The following PARP8 variants were observed in gnomAD, a reference collection of about 807,000 sequenced individuals.
The protein encoded by PARP8 is protein mono-ADP-ribosyltransferase PARP8.
PARP8 carries 51 observed loss-of-function variants against 124.1 expected under a neutral mutation model. That is an observed-to-expected ratio of 0.41 (90% CI 0.33 to 0.52). PARP8 has a LOEUF of 0.52. Among genes scored for constraint, PARP8 ranks in the 20% least tolerant of loss-of-function variants. The pLI, the probability that PARP8 is intolerant of heterozygous loss-of-function variation, is 0.21. For missense variants in PARP8, 860 were observed against 1,018.9 expected (o/e 0.84, Z 2.12); for synonymous variants, 391 against 361.5 (o/e 1.08, Z -0.93).
At position 50,794,294 on chromosome 5, in the gene PARP8, A is replaced by G; in HGVS notation, c.825A>G (p.Lys275=). 1 of 1,613,642 alleles carries G rather than the reference A, an allele frequency of 6.2e-7. No individual in the cohort carries two copies. Among genetic ancestry groups the G allele is most frequent in the Non-Finnish European group, 8.5e-7 (1 of 1,179,706 alleles). ...ACAATAAAAAGTTGTCAGAGAAGAA[A>G]GTGAAGTCTCCCCTGCATTTATTTT... is the stretch of plus-strand genomic sequence containing the variant. ...CLHNKKLSEK[K]VKSPLHLFST... The change falls in exon 11 of 26, where the codon AAA becomes AAG. Residue 275 remains lysine (K), a synonymous_variant. Transcript: ENST00000281631.
intron 2 of PARP8, among the ~76,000 whole-genome samples, chr5:50,725,459 G>T (rs1756333780): frequency 6.6e-6 from 1 of 151,984 alleles, no homozygotes; most frequent in Admixed American, 6.6e-5. Flanking sequence ...TTATACACAG[G>T]TTCAAATAAA....
rs1195017025 is a variant in PARP8, at chr5:50,781,481, G to C, written c.670+2831G>C. Among the ~76,000 whole-genome samples, 3 of 152,276 alleles carry C rather than the reference G, an allele frequency of 2.0e-5. No homozygotes were observed. The East Asian group carries it at 5.8e-4, about 29-fold the overall frequency. ...TCCCATTAAGAAGAGGAAAGAAAGA[G>C]AATTCCACACTGACCCTACTTTAGA... is the stretch of plus-strand genomic sequence containing the variant. On this transcript the variant is annotated intron_variant, in intron 9 of 25. Transcript: ENST00000281631.
intron 3 of PARP8, chr5:50,757,134 C>T (rs1485189662): frequency 2.2e-6 from 1 of 455,232 alleles, no homozygotes; most frequent in Admixed American, 2.4e-5. Flanking sequence ...GTGAATACTG[C>T]CACAATGCAC....
chr5:50,742,530 G>A (rs1758155017), intron 2 of PARP8, among the ~76,000 whole-genome samples: 1 of 152,138 alleles, frequency 6.6e-6, no homozygotes, highest in South Asian at 2.1e-4. Flanking sequence ...CCTTGAGGAA[G>A]TAACCATATG....
intron 3 of PARP8, among the ~76,000 whole-genome samples, chr5:50,751,080 T>C (rs1158780942): frequency 8.1e-6 from 1 of 123,296 alleles, no homozygotes. Context: ...CATAGAGATG[T>C]CAGCCATGAG....
chr5:50,689,446 C>T (rs1017512182), intron 2 of PARP8, among the ~76,000 whole-genome samples: 4 of 152,174 alleles, frequency 2.6e-5, no homozygotes, highest in African/African-American at 9.7e-5. Context: ...ATTGAAGAAC[C>T]ACCATCTTGT....
intron 7 of PARP8, among the ~76,000 whole-genome samples, chr5:50,772,041 C>T (rs1761679522): frequency 6.6e-6 from 1 of 152,202 alleles, no homozygotes; most frequent in Non-Finnish European, 1.5e-5. Context: ...TGGTAATCTA[C>T]TCTGTACTAC....
intron 2 of PARP8, among the ~76,000 whole-genome samples, chr5:50,727,483 G>A (rs557653870): frequency 1.3e-5 from 2 of 152,238 alleles, no homozygotes; most frequent in Admixed American, 6.5e-5. Context: ...GCCAGAGTAC[G>A]TGTGGACTAT....
At chr5:50,838,463 T>C (rs1341904424) in intron 25 of PARP8, among the ~76,000 whole-genome samples, 1 of 152,120 alleles carries the variant, frequency 6.6e-6, no homozygotes, top group Non-Finnish European at 1.5e-5. Flanking sequence ...ACTAGTGATA[T>C]ACCTCTTTAA....
At chr5:50,719,479 A>C (rs1432686164) in intron 2 of PARP8, among the ~76,000 whole-genome samples, 1 of 151,914 alleles carries the variant, frequency 6.6e-6, no homozygotes, top group Admixed American at 6.6e-5. Flanking sequence ...TAAGTCTTTA[A>C]TTCATTTCGA....
At position 50,808,384 on chromosome 5, in the gene PARP8, G is replaced by A. The variant is rs10036060; in HGVS notation, c.1576-7048G>A. Among the ~76,000 whole-genome samples the A allele has an allele frequency of 7.2e-3, 1,088 of 152,062 alleles. 8 individuals carry two copies. Among genetic ancestry groups the A allele is most frequent in the East Asian group, 0.039 (201 of 5,154 alleles). On this transcript the variant is annotated intron_variant, in intron 14 of 25. Transcript: ENST00000281631. ...AAGAGGGAGTAGAGGAAAAAGTTAC[G>A]TATTAATCACAGGGTAGGCACAAGG...
chr5:50,674,657 C>T (rs546232216), intron 2 of PARP8, among the ~76,000 whole-genome samples: 1 of 152,308 alleles, frequency 6.6e-6, no homozygotes, highest in South Asian at 2.1e-4. Flanking sequence ...ACATGTTTCT[C>T]ATGCTTCCTA....
At position 50,778,067 on chromosome 5, in the gene PARP8, AG is replaced by A; in HGVS notation, c.520del. 6.2e-7 allele frequency: 1 copy of A among 1,601,648 alleles called. No homozygotes were observed. Among genetic ancestry groups the A allele is most frequent in the Non-Finnish European group, 8.5e-7 (1 of 1,175,612 alleles). On this transcript the variant is annotated splice_acceptor_variant, in intron 7 of 25. Transcript: ENST00000281631. LOFTEE classifies it high-confidence loss of function. ...AAAAACAGTGTTAATTTTTGCTTTC[AG>A]GGAATATGGAGCCATTGATGATGTA... is the stretch of plus-strand genomic sequence containing the variant.
At chr5:50,711,069 T>G (rs1754721687) in intron 2 of PARP8, among the ~76,000 whole-genome samples, 1 of 152,142 alleles carries the variant, frequency 6.6e-6, no homozygotes, top group African/African-American at 2.4e-5. Context: ...AATTGTTTGT[T>G]GCTACTGGTC....
At chr5:50,737,397 T>A (rs1359037061) in intron 2 of PARP8, among the ~76,000 whole-genome samples, 2 of 151,714 alleles carry the variant, frequency 1.3e-5, no homozygotes, top group Admixed American at 1.3e-4. Context: ...ATAACTATAT[T>A]TGCCATGAGA....
chr5:50,667,849 T>A, intron 1 of PARP8: 2 of 1,329,904 alleles, frequency 1.5e-6, no homozygotes, highest in Non-Finnish European at 1.0e-6. Flanking sequence ...GCTGTTGCCA[T>A]GGCACCCGGC....
intron 2 of PARP8, among the ~76,000 whole-genome samples, chr5:50,679,015 T>A (rs183977042): frequency 5.9e-5 from 9 of 152,314 alleles, no homozygotes; most frequent in Admixed American, 3.9e-4. Flanking sequence ...TATTTATTTG[T>A]AACATGTACT....
intron 2 of PARP8, among the ~76,000 whole-genome samples, chr5:50,705,274 C>G (rs1182463821): frequency 6.6e-6 from 1 of 152,068 alleles, no homozygotes; most frequent in Non-Finnish European, 1.5e-5. Context: ...ATATCTGGCT[C>G]TGCTATGAAG....
Position 50,735,644 on chromosome 5 carries a change from G to C in PARP8, c.147-14507G>C, listed in dbSNP as rs112082615. On this transcript the variant is annotated intron_variant, in intron 2 of 25. Coordinates refer to ENST00000281631, the MANE Select transcript of PARP8 (RefSeq NM_024615.4). The stretch of plus-strand genomic sequence containing the variant: ...GTCATTCAATGTCCCTGACAAGGGA[G>C]CTATACATATATTTTGAACATCTCT... Among the ~76,000 whole-genome samples, 207 of 152,232 alleles carry C rather than the reference G, an allele frequency of 1.4e-3. 1 individual carries two copies. The highest frequency in any genetic ancestry group is 4.9e-3 in the African/African-American group (205 of 41,552).
Sources: allele counts gnomAD v4.1 joint callset (sites outside exome capture counted in the v4.1 genomes callset), GRCh38; gene constraint gnomAD v4.1.1; transcripts MANE v1.5; gene names NCBI Gene and HGNC (gene_info 2026-07-23, HGNC 2026-07-21).